Variants in IRF1 observed in about 807,000 individuals in gnomAD.
IRF1 encodes interferon regulatory factor 1.
A neutral mutation model predicts 43.7 loss-of-function variants in IRF1; 13 were observed. The ratio of observed to expected loss-of-function variants is 0.30; its 90% CI spans 0.19 to 0.47. IRF1 has a LOEUF of 0.47. Ranked by LOEUF, IRF1 falls within the 20% of genes least tolerant of loss-of-function variation. The pLI is 0.99. For missense variants in IRF1, 236 were observed against 408.9 expected, an observed-to-expected ratio of 0.58 and a Z score of 3.65; for synonymous variants, 138 against 146.8, an observed-to-expected ratio of 0.94 and a Z score of 0.43.
intron 7 of IRF1, 94 bp from the exon 8 acceptor site, chr5:132,485,810 C>G: frequency 2.6e-6 from 2 of 759,844 alleles, no homozygotes; most frequent in Non-Finnish European, 4.6e-6. Context: ...TGCCCTTTCT[C>G]TGTCTCTCTG....
At chr5:132,487,464 G>A in intron 3 of IRF1, 1 of 381,540 alleles carries the variant, frequency 2.6e-6, no homozygotes, top group Non-Finnish European at 4.9e-6. Flanking sequence ...GGGTAGAGTG[G>A]GCACAGACTG....
chr5:132,484,661 G>A lies in IRF1; in HGVS notation c.718-164C>T, dbSNP rs145798523. On this transcript the variant is annotated intron_variant, in intron 8 of 9. Coordinates refer to ENST00000245414, the MANE Select transcript of IRF1 (RefSeq NM_002198.3). ...TGCACTGCAGTCAGGACAAGGGCCC[G>A]GGAGGGAGGAGGCAGAAATGCATGT... 408 of 799,122 alleles carry A rather than the reference G, an allele frequency of 5.1e-4. 6 individuals are homozygous for A. The South Asian group carries it at 5.6e-3, about 11-fold the overall frequency. 49.5% of individuals were successfully genotyped at this position (799,122 alleles called of 1,614,324 possible).
chr5:132,484,110 G>C (rs762803419), intron 9 of IRF1, 35 bp from the exon 10 acceptor site: 3 of 1,609,316 alleles, frequency 1.9e-6, no homozygotes, highest in Non-Finnish European at 2.5e-6. Context: ...TGAGGGTAGG[G>C]GACGGTGGCA....
rs1368737163 is a variant in IRF1, at chr5:132,487,149, AAG to A, written c.188-21_188-20del. 6.2e-7 allele frequency: 1 copy of A among 1,611,354 alleles called. No homozygotes were observed. Among genetic ancestry groups the A allele is most frequent in the Non-Finnish European group, 8.5e-7 (1 of 1,177,756 alleles). ...TATCGGCCTAGAGGGCAGGAGAAAA[AAG>A]AGGATCGTCAGGGCCATGGGTAGGG... On this transcript the variant is annotated intron_variant, in intron 3 of 9. Coordinates refer to ENST00000245414, the MANE Select transcript of IRF1 (RefSeq NM_002198.3).
rs1332019120 is a variant in IRF1 at position 132,485,826 on chromosome 5, CTG to C, written c.668-112_668-111del. 8.4e-5 allele frequency: 56 copies of C among 665,508 alleles called. 1 individual carries two copies. In the African/African-American group the frequency reaches 1.2e-3, roughly 15 times the overall value. 41.2% of individuals were successfully genotyped at this position (665,508 alleles called of 1,614,324 possible). On this transcript the variant is annotated intron_variant, in intron 7 of 9. Transcript: ENST00000245414. ...GCCCTTTCTCTGTCTCTCTGTCTCTCTGACACACACACACACACACACACCCT... is the reference window on the plus strand; with the variant it reads ...GCCCTTTCTCTGTCTCTCTGTCTCTCACACACACACACACACACACACCCT...
chr5:132,487,699 C>A, intron 3 of IRF1: 1 of 557,244 alleles, frequency 1.8e-6, no homozygotes, highest in Non-Finnish European at 3.2e-6. Flanking sequence ...CCACAAACCC[C>A]CTGAAGCCAC....
In IRF1 at chr5:132,486,263, A is replaced by T. The variant is rs1295120149; in HGVS notation, c.655T>A (p.Ser219Thr). Reference protein sequence around the residue: ...LYNFQVSPMPSTSEATTDEDE... With the variant: ...LYNFQVSPMPTTSEATTDEDE... The stretch of plus-strand genomic sequence containing the variant: ...CAGGAGCACCAACCTTCAGAGGTGG[A>T]GGGCATGGGTGACACCTGGAAGTTG... Residue 219 changes from serine (S) to threonine (T), a missense_variant, in exon 7 of 10, where the codon TCC becomes ACC. By Grantham distance (58) the Ser-to-Thr change is moderately conservative. Transcript: ENST00000245414. The T allele has an allele frequency of 1.2e-6, 2 of 1,613,424 alleles. No homozygotes were observed. The highest frequency in any genetic ancestry group is 1.7e-6 in the Non-Finnish European group (2 of 1,179,912).
chr5:132,486,183 C>T (rs758647207), intron 7 of IRF1, 68 bp downstream of exon 7: 5 of 1,587,736 alleles, frequency 3.1e-6, no homozygotes, highest in Non-Finnish European at 4.3e-6. Flanking sequence ...ATCATCTTTT[C>T]TCTCTCAGGA....
At position 132,484,041 on chromosome 5, in the gene IRF1, T is replaced by C. The variant is rs764061407; in HGVS notation, c.888A>G (p.Thr296=). 6.2e-7 allele frequency: 1 copy of C among 1,614,032 alleles called. No homozygotes were observed. ...AGGTGGCATCCATGTTCTTCAGATCTGTGAAGACACGCTGTAGACTCAGCC... is the reference window on the plus strand; with the variant it reads ...AGGTGGCATCCATGTTCTTCAGATCCGTGAAGACACGCTGTAGACTCAGCC... ...DIGLSLQRVF[T]DLKNMDATWL... The change falls in exon 10 of 10, where the codon ACA becomes ACG. Residue 296 remains threonine (T), a synonymous_variant. Transcript: ENST00000245414.
At chr5:132,485,847 A>C (rs1754509535) in intron 7 of IRF1, 131 bp from the exon 8 acceptor site, 2 of 675,380 alleles carry the variant, frequency 3.0e-6, no homozygotes, top group East Asian at 5.5e-5. Flanking sequence ...ACACACACAC[A>C]CACCCTCCCG....
intron 1 of IRF1, chr5:132,489,731 C>A: frequency 2.3e-6 from 1 of 432,686 alleles, no homozygotes. Context: ...GACAGGCATG[C>A]AAGTGATGGC....
At position 132,487,813 on chromosome 5, in the gene IRF1, C is replaced by T. The variant is rs55759716; in HGVS notation, c.187+113G>A. The T allele has an allele frequency of 1.3e-3, 904 of 679,784 alleles. 6 individuals carry two copies. Among genetic ancestry groups the T allele is most frequent in the Non-Finnish European group, 1.6e-3 (616 of 378,758 alleles). The allele number at this position is 679,784 out of a possible 1,614,324, so 42.1% of individuals were successfully genotyped here. A position where few individuals can be genotyped will look rare whatever the true frequency, so the allele number is the denominator to read the frequency against. ...CCACCAGCCCCTCTTCCCAGTAATT[C>T]TGCATGTTGTCTCAGGGAGCTCAGG... On this transcript the variant is annotated intron_variant, in intron 3 of 9. Transcript: ENST00000245414.
In IRF1 at chr5:132,486,696, G is replaced by A. The variant is rs201796901; in HGVS notation, c.415-10C>T. ...TGGAATCCCCACATGACTGTCGAGG[G>A]AGAAAGCAGCTTAGGCCCAGGCCCA... On this transcript the variant is annotated splice_polypyrimidine_tract_variant and intron_variant, in intron 5 of 9. Coordinates refer to ENST00000245414, the MANE Select transcript of IRF1 (RefSeq NM_002198.3). 139 of 1,613,862 alleles carry A rather than the reference G, an allele frequency of 8.6e-5. 1 individual carries two copies. In the Admixed American group the frequency reaches 1.3e-3, roughly 15 times the overall value.
intron 9 of IRF1, 56 bp downstream of exon 9, chr5:132,484,306 A>G: frequency 6.3e-7 from 1 of 1,595,664 alleles, no homozygotes; most frequent in Non-Finnish European, 8.6e-7. Context: ...AGCTTTCTCC[A>G]TCCCTACGTG....
intron 8 of IRF1, 68 bp downstream of exon 8, chr5:132,485,599 T>G: frequency 8.1e-7 from 1 of 1,241,892 alleles, no homozygotes; most frequent in Non-Finnish European, 1.2e-6. Context: ...ATTTGGAAGC[T>G]TCACTGGTTC....
chr5:132,489,407 G>A lies in IRF1; in HGVS notation c.72C>T (p.Leu24=). 7 of 1,613,622 alleles carry A rather than the reference G, an allele frequency of 4.3e-6. No individual in the cohort carries two copies. The highest frequency in any genetic ancestry group is 5.9e-6 in the Non-Finnish European group (7 of 1,179,532). The change falls in exon 2 of 10, where the codon CTC becomes CTT. Residue 24 remains leucine, a synonymous_variant. Transcript: ENST00000245414. ...TTACACTCACTTTATTAATCCAGAT[G>A]AGCCCCGGGATTTGGTTGGAATTAA... ...MQINSNQIPG[L]IWINKEEMIF...
At chr5:132,486,402 G>A in intron 6 of IRF1, 29 bp from the exon 7 acceptor site, 2 of 1,610,236 alleles carry the variant, frequency 1.2e-6, no homozygotes, top group African/African-American at 2.7e-5. Context: ...CACAGGTCAA[G>A]GTTGTGTGCT....
Position 132,486,779 on chromosome 5 carries a change from T to G in IRF1, c.414+16A>C, listed in dbSNP as rs1348644758. The G allele has an allele frequency of 6.2e-7, 1 of 1,614,210 alleles. No individual in the cohort carries two copies. Among genetic ancestry groups the G allele is most frequent in the Non-Finnish European group, 8.5e-7 (1 of 1,180,028 alleles). ...CACAGGTGACCAAAGGCCTGGCTGC[T>G]TAGGACCACACTCACCTTCCTCTTG... On this transcript the variant is annotated intron_variant, in intron 5 of 9. Transcript: ENST00000245414.
chr5:132,486,705 G>A lies in IRF1; in HGVS notation c.415-19C>T. ...CACATGACTGTCGAGGGAGAAAGCAGCTTAGGCCCAGGCCCACCTTAGCAT... is the reference window on the plus strand; with the variant it reads ...CACATGACTGTCGAGGGAGAAAGCAACTTAGGCCCAGGCCCACCTTAGCAT... On this transcript the variant is annotated intron_variant, in intron 5 of 9. Coordinates refer to ENST00000245414, the MANE Select transcript of IRF1 (RefSeq NM_002198.3). The A allele has an allele frequency of 1.2e-6, 2 of 1,613,996 alleles. No homozygotes were observed. The highest frequency in any genetic ancestry group is 1.7e-6 in the Non-Finnish European group (2 of 1,179,874).
Sources: gnomAD v4.1 joint callset for allele counts on GRCh38, gnomAD v4.1.1 for gene constraint, MANE v1.5 for transcripts, NCBI Gene and HGNC (gene_info 2026-07-23, HGNC 2026-07-21) for gene names.